The following BTRC variants were observed in gnomAD, a reference collection of about 807,000 sequenced individuals.
BTRC encodes the protein F-box/WD repeat-containing protein 1A.
A neutral mutation model predicts 85.5 loss-of-function variants in BTRC; 42 were observed. The observed-to-expected ratio is 0.49, with a 90% CI of 0.38 to 0.64. BTRC has a LOEUF of 0.64. BTRC is among the 30% of genes least tolerant of loss of function. BTRC has a pLI of 0.00. For synonymous variants in BTRC, 255 were observed against 263.3 expected, an observed-to-expected ratio of 0.97 and a Z score of 0.30; for missense variants, 594 against 743.5, an observed-to-expected ratio of 0.80 and a Z score of 2.34.
chr10:101,373,754 A>G (rs1942707471), intron 1 of BTRC, among the ~76,000 whole-genome samples: 1 of 151,994 alleles, frequency 6.6e-6, no homozygotes, highest in Non-Finnish European at 1.5e-5. Flanking sequence ...AGTCTTTACT[A>G]AAAAATACAA....
intron 2 of BTRC, among the ~76,000 whole-genome samples, chr10:101,445,886 A>C (rs1298156684): frequency 2.6e-5 from 4 of 152,124 alleles, no homozygotes; most frequent in Non-Finnish European, 5.9e-5. Context: ...GTTAAAGTCA[A>C]ATGTTTAATT....
At chr10:101,445,914 C>T (rs1374090929) in intron 2 of BTRC, among the ~76,000 whole-genome samples, 2 of 152,092 alleles carry the variant, frequency 1.3e-5, no homozygotes, top group African/African-American at 4.8e-5. Context: ...CAATGGGCTG[C>T]GTTGTCACTT....
At chr10:101,470,552 A>T (rs1195208625) in intron 3 of BTRC, among the ~76,000 whole-genome samples, 1 of 151,378 alleles carries the variant, frequency 6.6e-6, no homozygotes. Context: ...CTGGTCTCGA[A>T]CTCCAGACCT....
intron 1 of BTRC, among the ~76,000 whole-genome samples, chr10:101,396,367 G>A (rs1274500579): frequency 6.7e-6 from 1 of 149,788 alleles, no homozygotes. Flanking sequence ...ATTTCTGCAA[G>A]ATTCTGCCAC....
chr10:101,471,375 A>G (rs1945519947), intron 3 of BTRC, among the ~76,000 whole-genome samples: 1 of 152,144 alleles, frequency 6.6e-6, no homozygotes, highest in Non-Finnish European at 1.5e-5. Flanking sequence ...GGCAACAGAA[A>G]GAGAAACTAT....
chr10:101,487,572 G>A (rs1359365561), intron 4 of BTRC, among the ~76,000 whole-genome samples: 3 of 152,162 alleles, frequency 2.0e-5, no homozygotes, highest in East Asian at 3.8e-4. Context: ...AATAATGAGA[G>A]CAAATTAGAA....
chr10:101,430,510 T>C, intron 2 of BTRC, 58 bp downstream of exon 2: 2 of 1,359,312 alleles, frequency 1.5e-6, no homozygotes, highest in Non-Finnish European at 2.1e-6. Context: ...TCTAATTCAT[T>C]AGTATGTGCC....
At chr10:101,366,879 T>TATATATATTTATGTATATTA (rs1564730042) in intron 1 of BTRC, among the ~76,000 whole-genome samples, 4 of 23,876 alleles carry the variant, frequency 1.7e-4, no homozygotes, top group Non-Finnish European at 3.2e-4. Context: ...AATATATATT[T>TATATATATTTATGTATATTA]ATATATATTT....
At chr10:101,474,784 C>T (rs555918452) in intron 3 of BTRC, among the ~76,000 whole-genome samples, 1 of 152,326 alleles carries the variant, frequency 6.6e-6, no homozygotes, top group African/African-American at 2.4e-5. Flanking sequence ...ACACACATCT[C>T]ACCCAGTGTG....
intron 4 of BTRC, among the ~76,000 whole-genome samples, chr10:101,489,451 TCTC>T (rs927243749): frequency 1.3e-5 from 2 of 152,266 alleles, no homozygotes; most frequent in African/African-American, 4.8e-5. Context: ...GTGTAAATAT[TCTC>T]CTCTCTCGTT....
In BTRC at chr10:101,405,264, A is replaced by AT. The variant is rs1943592132; in HGVS notation, c.49-25081_49-25080insT. 2.0e-5 allele frequency among the ~76,000 whole-genome samples: 3 copies of AT among 151,864 alleles called. No individual in the cohort carries two copies. The South Asian group carries it at 6.2e-4, about 32-fold the overall frequency. ...ATGGGAGGCTAGAGGAAAAAAAAAAAGCAATGAGGTTTTGTCTCACCCTTT... is the reference window on the plus strand; with the variant it reads ...ATGGGAGGCTAGAGGAAAAAAAAAAATGCAATGAGGTTTTGTCTCACCCTTT... On this transcript the variant is annotated intron_variant, in intron 1 of 14. Coordinates refer to ENST00000370187, the MANE Select transcript of BTRC (RefSeq NM_033637.4).
chr10:101,536,694 T>C, intron 12 of BTRC, 41 bp downstream of exon 12: 2 of 1,420,710 alleles, frequency 1.4e-6, no homozygotes, highest in Non-Finnish European at 2.0e-6. Context: ...AAAATCTACG[T>C]CTTAATCCTT....
intron 1 of BTRC, among the ~76,000 whole-genome samples, chr10:101,424,522 T>G (rs965868776): frequency 2.0e-5 from 3 of 152,120 alleles, no homozygotes; most frequent in African/African-American, 7.2e-5. Context: ...CTTTTTATTG[T>G]TGATTATTAT....
chr10:101,386,201 A>G (rs1002860443), intron 1 of BTRC, among the ~76,000 whole-genome samples: 3 of 152,212 alleles, frequency 2.0e-5, no homozygotes, highest in Non-Finnish European at 4.4e-5. Context: ...TGATATTTCC[A>G]GGACCTTTCT....
chr10:101,518,859 C>G (rs944210828), intron 4 of BTRC, among the ~76,000 whole-genome samples: 1 of 144,296 alleles, frequency 6.9e-6, no homozygotes, highest in Non-Finnish European at 1.6e-5. Flanking sequence ...TTAAATAATC[C>G]TATTAGTTTT....
At chr10:101,409,307 A>G (rs1398943702) in intron 1 of BTRC, among the ~76,000 whole-genome samples, 2 of 152,242 alleles carry the variant, frequency 1.3e-5, no homozygotes, top group Non-Finnish European at 2.9e-5. Flanking sequence ...GACATTTCAT[A>G]TAAATGGAAG....
rs1456186741 is a variant in BTRC at position 101,555,013 on chromosome 10, G to A, written c.*1890G>A. On this transcript the variant is annotated 3_prime_UTR_variant, in exon 15 of 15. Coordinates refer to ENST00000370187, the MANE Select transcript of BTRC (RefSeq NM_033637.4). ...ATATTTCCCAGTATAATGATACATCGTAGCCTAAGAAATATTTTCTCAATG... is the reference window on the plus strand; with the variant it reads ...ATATTTCCCAGTATAATGATACATCATAGCCTAAGAAATATTTTCTCAATG... 3.9e-5 allele frequency: 6 copies of A among 152,102 alleles called. No homozygotes were observed. The highest frequency in any genetic ancestry group is 9.7e-5 in the African/African-American group (4 of 41,404). The allele number at this position is 152,102 out of a possible 1,614,324, so 9.4% of individuals were successfully genotyped here.
At chr10:101,520,122 G>A (rs1439780260) in intron 4 of BTRC, among the ~76,000 whole-genome samples, 1 of 147,244 alleles carries the variant, frequency 6.8e-6, no homozygotes, top group Non-Finnish European at 1.5e-5. Context: ...TATTTTCTAA[G>A]TATTTGCTTG....
intron 12 of BTRC, among the ~76,000 whole-genome samples, chr10:101,537,898 C>G (rs1419222919): frequency 1.3e-5 from 2 of 152,168 alleles, no homozygotes; most frequent in Admixed American, 1.3e-4. Flanking sequence ...TTTGGAAGAG[C>G]TACACTTATC....
Sources: gnomAD v4.1 joint callset for allele counts (sites outside exome capture counted in the v4.1 genomes callset) on GRCh38, gnomAD v4.1.1 for gene constraint, MANE v1.5 for transcripts, NCBI Gene and HGNC (gene_info 2026-07-23, HGNC 2026-07-21) for gene names.